The following FBXL7 variants were observed in gnomAD, a reference collection of about 807,000 sequenced individuals.
FBXL7 encodes the protein F-box/LRR-repeat protein 7.
FBXL7 carries 12 observed loss-of-function variants against 38.3 expected under a neutral mutation model. The observed-to-expected ratio is 0.31, with a 90% confidence interval of 0.20 to 0.51. The LOEUF is 0.51. FBXL7 is among the 20% of genes least tolerant of loss of function. The pLI, the probability that FBXL7 is intolerant of heterozygous loss-of-function variation, is 0.98. For missense variants in FBXL7, 567 were observed against 676.4 expected (o/e 0.84, Z 1.79); for synonymous variants, 297 against 300.9 (o/e 0.99, Z 0.13).
At chr5:15,590,696 C>T (rs986641342) in intron 1 of FBXL7, among the ~76,000 whole-genome samples, 1 of 151,928 alleles carries the variant, frequency 6.6e-6, no homozygotes, top group Admixed American at 6.6e-5. Context: ...TATTTATAGC[C>T]ACTGTAGTGG....
At chr5:15,877,724 G>C (rs1459784876) in intron 2 of FBXL7, among the ~76,000 whole-genome samples, 1 of 152,078 alleles carries the variant, frequency 6.6e-6, no homozygotes, top group African/African-American at 2.4e-5. Context: ...GCCTATCTGT[G>C]GTACTGAGTT....
intron 2 of FBXL7, among the ~76,000 whole-genome samples, chr5:15,811,997 A>C (rs1363955143): frequency 6.6e-6 from 1 of 152,174 alleles, no homozygotes; most frequent in East Asian, 1.9e-4. Context: ...GTATATACCC[A>C]AAGGATTATA....
intron 1 of FBXL7, among the ~76,000 whole-genome samples, chr5:15,523,732 C>T (rs1323286687): frequency 6.6e-6 from 1 of 152,096 alleles, no homozygotes; most frequent in Non-Finnish European, 1.5e-5. Context: ...AAAAGAACTC[C>T]AGTGCTGGTG....
intron 2 of FBXL7, among the ~76,000 whole-genome samples, chr5:15,798,392 T>G (rs1737471530): frequency 6.6e-6 from 1 of 152,240 alleles, no homozygotes; most frequent in South Asian, 2.1e-4. Context: ...TTTGGATTAA[T>G]TTAACTTCTG....
chr5:15,934,868 T>G (rs1475205548), intron 3 of FBXL7, among the ~76,000 whole-genome samples: 1 of 152,190 alleles, frequency 6.6e-6, no homozygotes, highest in Non-Finnish European at 1.5e-5. Context: ...CAAGTCCCTT[T>G]TCTCAAAACT....
chr5:15,797,598 T>C (rs1218948037), intron 2 of FBXL7, among the ~76,000 whole-genome samples: 1 of 152,202 alleles, frequency 6.6e-6, no homozygotes, highest in Non-Finnish European at 1.5e-5. Flanking sequence ...CACAACCATA[T>C]GTGGCTGTTC....
rs1331754593 is a variant in FBXL7 at position 15,937,017 on chromosome 5, A to C, written c.1307A>C (p.Lys436Thr). Reference protein sequence around the residue: ...NCFNLKRLSLKSCESITGQGL... With the variant: ...NCFNLKRLSLTSCESITGQGL... The stretch of plus-strand genomic sequence containing the variant: ...TTCAACCTCAAGCGGCTCAGCCTCA[A>C]GTCCTGCGAGAGCATCACCGGCCAG... The change falls in exon 4 of 4, where the codon AAG (lysine) becomes ACG (threonine). Residue 436 changes from lysine to threonine, a missense_variant. By Grantham distance (78) the Lys-to-Thr change is moderately conservative. Coordinates refer to ENST00000504595, the MANE Select transcript of FBXL7 (RefSeq NM_012304.5). 1 of 1,614,046 alleles carries C rather than the reference A, an allele frequency of 6.2e-7. No homozygotes were observed. Among genetic ancestry groups the C allele is most frequent in the Admixed American group, 1.7e-5 (1 of 60,022 alleles).
chr5:15,787,416 A>AAGCC (rs1737160280), intron 2 of FBXL7, among the ~76,000 whole-genome samples: 1 of 152,222 alleles, frequency 6.6e-6, no homozygotes, highest in South Asian at 2.1e-4. Context: ...AGATGAAGGC[A>AAGCC]AGCCGTGCAG....
At chr5:15,605,351 A>C (rs191422612) in intron 1 of FBXL7, among the ~76,000 whole-genome samples, 98 of 152,328 alleles carry the variant, frequency 6.4e-4, no homozygotes, top group African/African-American at 2.3e-3. Context: ...TCAGCAGATG[A>C]ATGAATAAAC....
At chr5:15,573,761 G>C (rs1454513222) in intron 1 of FBXL7, among the ~76,000 whole-genome samples, 2 of 152,182 alleles carry the variant, frequency 1.3e-5, no homozygotes, top group African/African-American at 4.8e-5. Flanking sequence ...GTGTGCCTTG[G>C]ATCTCTGCAG....
intron 1 of FBXL7, among the ~76,000 whole-genome samples, chr5:15,521,859 G>A (rs1245678190): frequency 6.6e-6 from 1 of 152,236 alleles, no homozygotes; most frequent in Non-Finnish European, 1.5e-5. Context: ...CTTGCTTTAT[G>A]TTGGATAAAT....
chr5:15,773,649 AT>A (rs35963868), intron 2 of FBXL7, among the ~76,000 whole-genome samples: 1 of 152,004 alleles, frequency 6.6e-6, no homozygotes, highest in Non-Finnish European at 1.5e-5. Flanking sequence ...TCTCAAAAAA[AT>A]TTTTTTTCCA....
chr5:15,534,603 G>A (rs184481698), intron 1 of FBXL7, among the ~76,000 whole-genome samples: 17 of 152,260 alleles, frequency 1.1e-4, no homozygotes, highest in East Asian at 7.7e-4. Flanking sequence ...TGGCAATTAC[G>A]AATAAAGCAG....
At chr5:15,890,779 C>T (rs1481916831) in intron 2 of FBXL7, among the ~76,000 whole-genome samples, 1 of 152,042 alleles carries the variant, frequency 6.6e-6, no homozygotes, top group African/African-American at 2.4e-5. Flanking sequence ...TGAAGATCTA[C>T]GTGATTGAAG....
intron 1 of FBXL7, among the ~76,000 whole-genome samples, chr5:15,522,875 T>C (rs540534460): frequency 2.6e-5 from 4 of 152,372 alleles, no homozygotes; most frequent in South Asian, 2.1e-4. Context: ...GTATGAAATA[T>C]GGATGTTTCA....
chr5:15,926,145 G>T (rs1007326446), intron 2 of FBXL7, among the ~76,000 whole-genome samples: 1 of 151,986 alleles, frequency 6.6e-6, no homozygotes, highest in Non-Finnish European at 1.5e-5. Context: ...CCCATAGTAA[G>T]CTGGGGAGTA....
chr5:15,817,299 C>T (rs1350276371), intron 2 of FBXL7, among the ~76,000 whole-genome samples: 1 of 146,682 alleles, frequency 6.8e-6, no homozygotes, highest in African/African-American at 2.5e-5. Flanking sequence ...CTTTTGCTAA[C>T]TTTTTTTTTT....
At chr5:15,927,490 G>A (rs1741905384) in intron 2 of FBXL7, among the ~76,000 whole-genome samples, 1 of 152,158 alleles carries the variant, frequency 6.6e-6, no homozygotes, top group African/African-American at 2.4e-5. Context: ...AACAGGTGCT[G>A]GCCGGGCACG....
intron 2 of FBXL7, among the ~76,000 whole-genome samples, chr5:15,871,443 A>G (rs1376805496): frequency 6.6e-6 from 1 of 152,182 alleles, no homozygotes; most frequent in Non-Finnish European, 1.5e-5. Context: ...AAGTGGATGG[A>G]GAATGAGTTT....
Sources: gnomAD v4.1 joint callset for allele counts (sites outside exome capture counted in the v4.1 genomes callset) on GRCh38, gnomAD v4.1.1 for gene constraint, MANE v1.5 for transcripts, NCBI Gene and HGNC (gene_info 2026-07-23, HGNC 2026-07-21) for gene names.